DPP6: variants seen among roughly 807,000 people sequenced by gnomAD.
DPP6 encodes dipeptidyl peptidase like 6, also known as A-type potassium channel modulatory protein DPP6.
DPP6 carries 69 observed loss-of-function variants against 122.6 expected under a neutral mutation model. That is an observed-to-expected ratio of 0.56 (90% CI 0.46 to 0.69). The LOEUF (loss-of-function observed/expected upper bound fraction) is 0.69, where lower values mean the gene tolerates loss of function less well. DPP6 is among the 30% of genes least tolerant of loss of function. DPP6 has a pLI of 0.00. For missense variants in DPP6, 928 were observed against 1,116.9 expected, an observed-to-expected ratio of 0.83 and a Z score of 2.41; for synonymous variants, 418 against 433.1, an observed-to-expected ratio of 0.97 and a Z score of 0.43.
At chr7:153,839,419 A>G in the DPP6 span, among the ~76,000 whole-genome samples, 1 of 152,184 alleles carries the variant, frequency 6.6e-6, no homozygotes, top group Admixed American at 6.5e-5. Flanking sequence ...TTGCAATGCA[A>G]TGGTGAGGAA....
At chr7:154,049,838 G>A (rs1438265406), upstream of DPP6, among the ~76,000 whole-genome samples, 1 of 151,028 alleles carries the variant, frequency 6.6e-6, no homozygotes, top group Admixed American at 6.6e-5. Flanking sequence ...ACCCGCTTCT[G>A]CCTCCCAAAG....
At chr7:154,434,302 C>T (rs549492498) in intron 1 of DPP6, among the ~76,000 whole-genome samples, 1 of 152,092 alleles carries the variant, frequency 6.6e-6, no homozygotes, top group Non-Finnish European at 1.5e-5. Context: ...AAAAAGCCAC[C>T]CTAAGCCCGT....
chr7:154,196,946 T>A (rs1035838251), intron 1 of DPP6, among the ~76,000 whole-genome samples: 22 of 152,108 alleles, frequency 1.4e-4, no homozygotes, highest in African/African-American at 5.3e-4. Flanking sequence ...CACCCTGAAA[T>A]GCTCTCAGAT....
intron 8 of DPP6, among the ~76,000 whole-genome samples, chr7:154,753,752 A>G (rs1471598925): frequency 6.6e-6 from 1 of 152,180 alleles, no homozygotes; most frequent in Non-Finnish European, 1.5e-5. Flanking sequence ...CCCTGAGCCC[A>G]GGGTTTTGCC....
intron 16 of DPP6, among the ~76,000 whole-genome samples, chr7:154,825,135 A>G (rs1160254126): frequency 6.6e-6 from 1 of 152,212 alleles, no homozygotes; most frequent in Non-Finnish European, 1.5e-5. Context: ...TTGAATCAAT[A>G]TACCAGATGG....
At chr7:154,504,732 T>C (rs10245134) in intron 3 of DPP6, among the ~76,000 whole-genome samples, 40,090 of 151,828 alleles carry the variant, frequency 0.26, 5,477 homozygotes, top group Non-Finnish European at 0.29. Context: ...GTTTATCTTT[T>C]ACAAATTTAG....
chr7:154,535,249 G>C (rs1828144720), intron 3 of DPP6, among the ~76,000 whole-genome samples: 1 of 152,026 alleles, frequency 6.6e-6, no homozygotes, highest in Non-Finnish European at 1.5e-5. Flanking sequence ...CTAAATGAAA[G>C]AGCTAAAATT....
chr7:154,872,688 G>T lies in DPP6; in HGVS notation c.1878G>T (p.Leu626=). 1 of 1,595,008 alleles carries T rather than the reference G, an allele frequency of 6.3e-7. No homozygotes were observed. The highest frequency in any genetic ancestry group is 8.5e-7 in the Non-Finnish European group (1 of 1,170,864). Residue 626 remains leucine, a synonymous_variant, in exon 19 of 26, where the codon CTG becomes CTT. Coordinates refer to ENST00000377770, the MANE Select transcript of DPP6 (RefSeq NM_130797.4). ...FTDTTHYPLL[L]VVDGTPGSQS... is the part of the protein sequence containing the mutation. ...ACACCACCCACTACCCTCTGCTCCT[G>T]GTGGTGTAAGTATCGTCACATCTGT... is the stretch of plus-strand genomic sequence containing the variant.
At chr7:154,434,051 CT>C (rs1563664489) in intron 1 of DPP6, among the ~76,000 whole-genome samples, 2 of 152,290 alleles carry the variant, frequency 1.3e-5, no homozygotes, top group East Asian at 3.9e-4. Context: ...CGTCTTCAGG[CT>C]TTTTAAACCT....
chr7:154,599,155 C>A (rs564025751), intron 5 of DPP6, among the ~76,000 whole-genome samples: 1 of 152,260 alleles, frequency 6.6e-6, no homozygotes, highest in Non-Finnish European at 1.5e-5. Flanking sequence ...TAAATACAAC[C>A]AAAGTCAACA....
At chr7:154,095,358 A>G (rs1052227166) in intron 1 of DPP6, 1 of 142,714 alleles carries the variant, frequency 7.0e-6, no homozygotes, top group African/African-American at 2.5e-5. Flanking sequence ...CACTACCGTA[A>G]CTGTGACAAC....
At chr7:153,749,044 G>T in the DPP6 span, among the ~76,000 whole-genome samples, 5 of 152,160 alleles carry the variant, frequency 3.3e-5, no homozygotes, top group African/African-American at 9.6e-5. This position sits in a 1 kb window ranked among gnomAD's most constrained non-coding sequence, Gnocchi z 4.1. Context: ...TTGTGCGGGG[G>T]CGTGGGGCGC....
intron 1 of DPP6, among the ~76,000 whole-genome samples, chr7:154,420,060 G>C (rs73497208): frequency 3.7e-4 from 56 of 152,278 alleles, no homozygotes; most frequent in South Asian, 2.1e-3. Flanking sequence ...GGAGAAGGCC[G>C]GCACGGTGGC....
chr7:153,928,395 C>CCTT (rs1467865041), intron 1 of DPP6, among the ~76,000 whole-genome samples: 1 of 29,996 alleles, frequency 3.3e-5, no homozygotes, highest in Non-Finnish European at 6.5e-5. Context: ...TCTTTTCTTT[C>CCTT]ATTTTTTTTT....
the DPP6 span, among the ~76,000 whole-genome samples, chr7:153,824,606 C>A: frequency 1.8e-4 from 27 of 151,740 alleles, no homozygotes; most frequent in Non-Finnish European, 3.1e-4. Flanking sequence ...ATAGCTTGAA[C>A]CTGGGAGGCA....
intron 1 of DPP6, among the ~76,000 whole-genome samples, chr7:154,128,880 C>T (rs1407670216): frequency 6.7e-6 from 1 of 150,016 alleles, no homozygotes; most frequent in Non-Finnish European, 1.5e-5. Context: ...GCAGCATTTG[C>T]AACTTACCAA....
At chr7:154,231,808 C>A (rs1800935684) in intron 1 of DPP6, among the ~76,000 whole-genome samples, 1 of 152,190 alleles carries the variant, frequency 6.6e-6, no homozygotes, top group South Asian at 2.1e-4. Flanking sequence ...CGGGCTTCCC[C>A]CACGTGCTTC....
At chr7:154,728,706 G>A (rs919284951) in intron 8 of DPP6, among the ~76,000 whole-genome samples, 1 of 152,182 alleles carries the variant, frequency 6.6e-6, no homozygotes, top group African/African-American at 2.4e-5. Context: ...TGAAGCCTGG[G>A]AAGTCCAAGA....
chr7:154,064,014 GAAAAGGGTCC>G (rs1802500128), intron 1 of DPP6, among the ~76,000 whole-genome samples: 2 of 152,088 alleles, frequency 1.3e-5, no homozygotes, highest in African/African-American at 4.8e-5. Flanking sequence ...GGTTTGAGAA[GAAAAGGGTCC>G]AGGAGTTATT....
Sources: allele counts gnomAD v4.1 joint callset (sites outside exome capture counted in the v4.1 genomes callset), GRCh38; gene constraint gnomAD v4.1.1; non-coding constraint Gnocchi (gnomAD v3.1); transcripts MANE v1.5; gene names NCBI Gene and HGNC (gene_info 2026-07-23, HGNC 2026-07-21).